TCF7L2: variants seen among roughly 807,000 people sequenced by gnomAD.
The protein encoded by TCF7L2 is transcription factor 7-like 2.
TCF7L2 carries 23 observed loss-of-function variants against 77.9 expected under a neutral mutation model. The observed-to-expected ratio is 0.30, with a 90% CI of 0.21 to 0.42. The LOEUF (loss-of-function observed/expected upper bound fraction) is 0.42. Among genes scored for constraint, TCF7L2 ranks in the 10% least tolerant of loss-of-function variants. The probability of loss-of-function intolerance (pLI) is 1.00; values close to 1 mark genes in which losing one functional copy is unlikely to be tolerated. For missense variants in TCF7L2, 654 were observed against 793.1 expected (o/e 0.82, Z 2.11); for synonymous variants, 413 against 340.2 (o/e 1.21, Z -2.36).
At chr10:113,005,179 G>A (rs142973731) in intron 4 of TCF7L2, among the ~76,000 whole-genome samples, 157 of 152,314 alleles carry the variant, frequency 1.0e-3, no homozygotes, top group African/African-American at 3.6e-3. Context: ...CGCTGAAGAC[G>A]GTGTCATAGG....
Position 113,141,171 on chromosome 10 carries a change from C to T in TCF7L2, c.553-13C>T, listed in dbSNP as rs1383454227. ...CGGCTTGACGGTGTCTTTCTCTGTT[C>T]TCCTCCCCACAGTCTAACAAAGTGC... is the stretch of plus-strand genomic sequence containing the variant. On this transcript the variant is annotated splice_polypyrimidine_tract_variant and intron_variant, in intron 5 of 13. Transcript: ENST00000627217. 6.2e-7 allele frequency: 1 copy of T among 1,613,466 alleles called. No individual in the cohort carries two copies. Among genetic ancestry groups the T allele is most frequent in the African/African-American group, 1.3e-5 (1 of 74,888 alleles).
chr10:112,957,981 C>G (rs1246025713), intron 3 of TCF7L2, among the ~76,000 whole-genome samples: 3 of 152,154 alleles, frequency 2.0e-5, no homozygotes, highest in Non-Finnish European at 4.4e-5. Context: ...CCATCCAACC[C>G]AAACTTAAAG....
At chr10:113,096,851 G>A (rs1461836067) in intron 5 of TCF7L2, among the ~76,000 whole-genome samples, 1 of 152,096 alleles carries the variant, frequency 6.6e-6, no homozygotes, top group African/African-American at 2.4e-5. Flanking sequence ...GGGGAGGGTG[G>A]GGATGGGAAA....
chr10:113,124,417 AT>A (rs1465962804), intron 5 of TCF7L2, among the ~76,000 whole-genome samples: 1 of 152,182 alleles, frequency 6.6e-6, no homozygotes, highest in East Asian at 1.9e-4. Flanking sequence ...CATTGGGTAG[AT>A]TAACCATCAC....
intron 4 of TCF7L2, among the ~76,000 whole-genome samples, chr10:112,967,949 C>T (rs945177148): frequency 1.3e-5 from 2 of 152,138 alleles, no homozygotes; most frequent in African/African-American, 4.8e-5. Context: ...ATTAAAAGAT[C>T]TTTTAGAAAA....
intron 4 of TCF7L2, among the ~76,000 whole-genome samples, chr10:113,012,956 C>T (rs750456307): frequency 2.2e-4 from 33 of 152,118 alleles, no homozygotes; most frequent in Admixed American, 4.6e-4. Flanking sequence ...ACTTAACGAA[C>T]CCATGTGGGG....
chr10:112,954,482 T>C (rs1292095904), intron 3 of TCF7L2, among the ~76,000 whole-genome samples: 1 of 152,212 alleles, frequency 6.6e-6, no homozygotes, highest in Non-Finnish European at 1.5e-5. Context: ...TAATTTTATT[T>C]TAAAATGACA....
At chr10:113,006,465 A>G (rs1033694366) in intron 4 of TCF7L2, among the ~76,000 whole-genome samples, 5 of 151,810 alleles carry the variant, frequency 3.3e-5, no homozygotes, top group African/African-American at 1.2e-4. Flanking sequence ...CCCTATTAAT[A>G]TTTACTGAGG....
chr10:113,072,877 A>C (rs1380435396), intron 5 of TCF7L2, among the ~76,000 whole-genome samples: 1 of 152,136 alleles, frequency 6.6e-6, no homozygotes, highest in Admixed American at 6.5e-5. Context: ...GTCTCCATAC[A>C]TCATGATTGT....
rs375283223 is a variant in TCF7L2 at position 113,152,457 on chromosome 10, C to A, written c.1269+17C>A. On this transcript the variant is annotated intron_variant, in intron 11 of 13. Coordinates refer to ENST00000627217, the MANE Select transcript of TCF7L2 (RefSeq NM_001146274.2). Reference sequence around the variant, plus strand: ...GATAACTATGTAGGTGGATCATTTTCGTTAGGATTGGAGTCTGTAGAGCTG... The same window carrying A: ...GATAACTATGTAGGTGGATCATTTTAGTTAGGATTGGAGTCTGTAGAGCTG... The A allele has an allele frequency of 1.9e-6, 3 of 1,597,022 alleles. No individual in the cohort carries two copies. Among genetic ancestry groups the A allele is most frequent in the Non-Finnish European group, 1.7e-6 (2 of 1,166,410 alleles).
At position 113,118,520 on chromosome 10, in the gene TCF7L2, G is replaced by GGTGTGTGTGTGT. The variant is rs34806588; in HGVS notation, c.553-22641_553-22630dup. Among the ~76,000 whole-genome samples, 415 of 141,514 alleles carry GGTGTGTGTGTGT rather than the reference G, an allele frequency of 2.9e-3. 2 individuals are homozygous for GGTGTGTGTGTGT. Among genetic ancestry groups the GGTGTGTGTGTGT allele is most frequent in the South Asian group, 9.6e-3 (38 of 3,954 alleles). 92.8% of individuals were successfully genotyped at this position (141,514 alleles called of 152,430 possible). On this transcript the variant is annotated intron_variant, in intron 5 of 13. Coordinates refer to ENST00000627217, the MANE Select transcript of TCF7L2 (RefSeq NM_001146274.2). The stretch of plus-strand genomic sequence containing the variant: ...TTTTCAACCAACTGGTCATCTGGGG[G>GGTGTGTGTGTGT]GTGTGTGTGTGTGTGTGTGTGTGTG...
chr10:113,160,045 T>G (rs2072872904), intron 12 of TCF7L2, 53 bp downstream of exon 14: 4 of 1,515,870 alleles, frequency 2.6e-6, no homozygotes, highest in African/African-American at 2.7e-5. Flanking sequence ...GTCTATTCGA[T>G]CCTCTCCCCC....
At chr10:113,145,958 T>TGGCCG in intron 7 of TCF7L2, 53 bp from the exon 8 acceptor site, 1 of 1,350,238 alleles carries the variant, frequency 7.4e-7, no homozygotes, top group East Asian at 2.4e-5. Flanking sequence ...CTTTTTCTTG[T>TGGCCG]CCCCACCCCC....
chr10:113,131,128 A>C (rs970274881), intron 5 of TCF7L2, among the ~76,000 whole-genome samples: 1 of 152,150 alleles, frequency 6.6e-6, no homozygotes, highest in African/African-American at 2.4e-5. Flanking sequence ...GCAATTCCTT[A>C]ATTACTTTTA....
intron 5 of TCF7L2, among the ~76,000 whole-genome samples, chr10:113,136,543 A>G (rs2067427812): frequency 1.3e-5 from 2 of 152,204 alleles, no homozygotes; most frequent in African/African-American, 4.8e-5. Context: ...GAACTTGAAC[A>G]TTGGTTCGCT....
chr10:112,966,012 A>G (rs1406636897), intron 4 of TCF7L2, among the ~76,000 whole-genome samples: 2 of 151,136 alleles, frequency 1.3e-5, no homozygotes, highest in African/African-American at 4.9e-5. Context: ...CATCTCTACT[A>G]AAAAATGTAA....
At chr10:113,160,555 T>C in intron 12 of TCF7L2, 1 of 1,452,874 alleles carries the variant, frequency 6.9e-7, no homozygotes, top group South Asian at 1.3e-5. Flanking sequence ...AGCTGAGATT[T>C]CACATCCAAC....
intron 5 of TCF7L2, among the ~76,000 whole-genome samples, chr10:113,047,292 A>G (rs958045376): frequency 3.9e-5 from 6 of 152,216 alleles, no homozygotes; most frequent in African/African-American, 1.4e-4. Flanking sequence ...AACTACGAGC[A>G]GTATGTAAGA....
chr10:113,107,776 A>AC, intron 5 of TCF7L2, among the ~76,000 whole-genome samples: 1 of 142,290 alleles, frequency 7.0e-6, no homozygotes, highest in East Asian at 2.0e-4. Context: ...AAAAAAAAAA[A>AC]CAACAAAAAA....
Sources: allele counts gnomAD v4.1 joint callset (sites outside exome capture counted in the v4.1 genomes callset), GRCh38; gene constraint gnomAD v4.1.1; transcripts MANE v1.5; gene names NCBI Gene and HGNC (gene_info 2026-07-23, HGNC 2026-07-21).